NCOA1: variants seen among roughly 807,000 people sequenced by gnomAD.
The protein encoded by NCOA1 is nuclear receptor coactivator 1.
A neutral mutation model predicts 150.9 loss-of-function variants in NCOA1; 35 were observed. That is an observed-to-expected ratio of 0.23 (90% CI 0.18 to 0.31). The LOEUF (loss-of-function observed/expected upper bound fraction) is 0.31. Among genes scored for constraint, NCOA1 ranks in the 10% least tolerant of loss-of-function variants. The pLI is 1.00. For synonymous variants in NCOA1, 590 were observed against 630.0 expected (o/e 0.94, Z 0.95); for missense variants, 1,491 against 1,749.3 (o/e 0.85, Z 2.63).
intron 9 of NCOA1, 139 bp downstream of exon 9, chr2:24,691,799 T>G: frequency 1.3e-6 from 1 of 742,438 alleles, no homozygotes. Flanking sequence ...TTCCATTTGC[T>G]ATATATTCTT....
At chr2:24,552,339 ATATATATATATATATTTTTTTTTTT>A (rs1398351195) in intron 1 of NCOA1, among the ~76,000 whole-genome samples, 4 of 20,004 alleles carry the variant, frequency 2.0e-4, no homozygotes, top group African/African-American at 5.5e-4. Context: ...ATATATATAT[ATATATATATATATATTTTTTTTTTT>A]TTTTTTTTTT....
chr2:24,707,512 G>C lies in NCOA1; in HGVS notation c.2042G>C (p.Ser681Thr). Residue 681 changes from serine (S) to threonine (T), a missense_variant, in exon 13 of 23, where the codon AGC (serine) becomes ACC (threonine). Around this residue, in one of 8 missense-constraint regions of NCOA1, gnomAD observed 703 missense variants for 717.7 expected, o/e 0.98. Transcript: ENST00000348332. ...SSGGSCPSSHSSLTERHKILH... is the reference protein window; with the variant it reads ...SSGGSCPSSHTSLTERHKILH... Reference sequence around the variant, plus strand: ...GGAGGTTCTTGTCCCTCTTCTCATAGCTCATTGACAGAACGGCATAAAATT... The same window carrying C: ...GGAGGTTCTTGTCCCTCTTCTCATACCTCATTGACAGAACGGCATAAAATT... The C allele has an allele frequency of 1.2e-6, 2 of 1,614,148 alleles. No individual in the cohort carries two copies. The highest frequency in any genetic ancestry group is 1.7e-6 in the Non-Finnish European group (2 of 1,180,044).
At chr2:24,552,600 C>T (rs1344788213) in intron 1 of NCOA1, among the ~76,000 whole-genome samples, 5 of 151,556 alleles carry the variant, frequency 3.3e-5, no homozygotes, top group African/African-American at 7.3e-5. Context: ...CTCCTGACCT[C>T]GTCATCTGCC....
chr2:24,493,581 G>T (rs1663071613), intron 1 of NCOA1, among the ~76,000 whole-genome samples: 1 of 151,130 alleles, frequency 6.6e-6, no homozygotes, highest in African/African-American at 2.4e-5. Context: ...GAGTATTTTA[G>T]ATCTGCAGTG....
chr2:24,499,996 A>G (rs1663386981), intron 1 of NCOA1, among the ~76,000 whole-genome samples: 1 of 152,250 alleles, frequency 6.6e-6, no homozygotes, highest in South Asian at 2.1e-4. Flanking sequence ...ATAGCATACA[A>G]CAGAAATTGG....
At chr2:24,757,883 G>A (rs1232597352) in intron 20 of NCOA1, 90 bp from the exon 21 acceptor site, 2 of 1,233,180 alleles carry the variant, frequency 1.6e-6, no homozygotes, top group East Asian at 5.0e-5. Context: ...ATTTAAGGAT[G>A]TAACATATTT....
intron 22 of NCOA1, among the ~76,000 whole-genome samples, chr2:24,764,638 G>T (rs1471470839): frequency 6.6e-6 from 1 of 152,208 alleles, no homozygotes; most frequent in Admixed American, 6.5e-5. Context: ...TTTATAATAA[G>T]TATTCATAGG....
chr2:24,514,619 A>G (rs1035558235), intron 1 of NCOA1, among the ~76,000 whole-genome samples: 1 of 152,064 alleles, frequency 6.6e-6, no homozygotes, highest in Non-Finnish European at 1.5e-5. Flanking sequence ...CCTGGGCAAC[A>G]TGGGGAAACT....
intron 2 of NCOA1, among the ~76,000 whole-genome samples, chr2:24,583,887 A>T (rs1667297244): frequency 1.3e-5 from 2 of 152,182 alleles, no homozygotes; most frequent in African/African-American, 4.8e-5. Flanking sequence ...TAATAAAGGC[A>T]GGAAGGATAA....
chr2:24,514,658 C>T (rs974187713), intron 1 of NCOA1, among the ~76,000 whole-genome samples: 3 of 151,304 alleles, frequency 2.0e-5, no homozygotes, highest in Non-Finnish European at 3.0e-5. Flanking sequence ...GAAAACTAGC[C>T]GATTGTGTTG....
At chr2:24,626,234 A>C (rs1669402900) in intron 3 of NCOA1, among the ~76,000 whole-genome samples, 1 of 152,202 alleles carries the variant, frequency 6.6e-6, no homozygotes, top group African/African-American at 2.4e-5. Flanking sequence ...GCAAGTGTGA[A>C]TTCTTTATGG....
chr2:24,746,860 C>G (rs1663949017), intron 19 of NCOA1, among the ~76,000 whole-genome samples: 1 of 152,122 alleles, frequency 6.6e-6, no homozygotes. Context: ...CCTATAGACT[C>G]TGGGGTAGTT....
At chr2:24,645,510 GAAAAAAAAA>G (rs397873594) in intron 4 of NCOA1, among the ~76,000 whole-genome samples, 4 of 73,342 alleles carry the variant, frequency 5.5e-5, no homozygotes, top group Non-Finnish European at 1.0e-4. Flanking sequence ...ACTCCTCTCA[GAAAAAAAAA>G]AAAAAAAAAA....
chr2:24,563,934 T>TA (rs1666392668), intron 1 of NCOA1, among the ~76,000 whole-genome samples: 1 of 152,210 alleles, frequency 6.6e-6, no homozygotes, highest in Admixed American at 6.5e-5. Context: ...TGTTTCCTTT[T>TA]ACTGTTCCAC....
chr2:24,516,932 G>GTA (rs1199693089), intron 1 of NCOA1, among the ~76,000 whole-genome samples: 1 of 59,192 alleles, frequency 1.7e-5, no homozygotes, highest in African/African-American at 4.5e-5. Flanking sequence ...GCGCGCGTGT[G>GTA]TATATATATA....
intron 3 of NCOA1, among the ~76,000 whole-genome samples, chr2:24,600,108 G>A (rs1668049835): frequency 2.0e-5 from 3 of 152,094 alleles, no homozygotes; most frequent in African/African-American, 7.2e-5. Context: ...TCCTTTTATT[G>A]CATATTCCCC....
intron 19 of NCOA1, among the ~76,000 whole-genome samples, chr2:24,744,039 T>G (rs1663755485): frequency 6.6e-6 from 1 of 152,218 alleles, no homozygotes; most frequent in African/African-American, 2.4e-5. Flanking sequence ...AGTGCCCCGG[T>G]TCTCATGAAA....
chr2:24,639,350 G>A (rs898558017), intron 3 of NCOA1, among the ~76,000 whole-genome samples: 7 of 151,824 alleles, frequency 4.6e-5, no homozygotes, highest in Middle Eastern at 3.4e-3. Context: ...TTTTTATTAC[G>A]TTGTTCAGAA....
intron 1 of NCOA1, among the ~76,000 whole-genome samples, chr2:24,536,525 A>C (rs962609480): frequency 6.6e-6 from 1 of 152,210 alleles, no homozygotes; most frequent in Non-Finnish European, 1.5e-5. Context: ...TTTGGAGAAG[A>C]AGAGTCGCTC....
Sources: gnomAD v4.1 joint callset for allele counts (sites outside exome capture counted in the v4.1 genomes callset) on GRCh38, gnomAD v4.1.1 for gene constraint, gnomAD v4.1.1 regional missense constraint, MANE v1.5 for transcripts, NCBI Gene and HGNC (gene_info 2026-07-23, HGNC 2026-07-21) for gene names.